CLDN14: variants seen among roughly 807,000 people sequenced by gnomAD.
CLDN14 encodes claudin 14.
CLDN14 carries 2 observed loss-of-function variants against 2.1 expected under a neutral mutation model. That is an observed-to-expected ratio of 0.96 (90% CI 0.39 to 3.01). The LOEUF is 3.01. Among genes scored for constraint, CLDN14 ranks in the 30% most tolerant of loss-of-function variants. CLDN14 has a pLI of 0.09. For synonymous variants in CLDN14, 136 were observed against 154.4 expected, an observed-to-expected ratio of 0.88 and a Z score of 0.88; for missense variants, 298 against 328.0, an observed-to-expected ratio of 0.91 and a Z score of 0.71.
intron 1 of CLDN14, among the ~76,000 whole-genome samples, chr21:36,526,705 A>G (rs901154484): frequency 9.2e-5 from 14 of 152,334 alleles, no homozygotes; most frequent in African/African-American, 3.4e-4. Context: ...AACCACGGGC[A>G]CTTCACACTC....
chr21:36,514,952 G>A (rs2087216055), intron 1 of CLDN14, among the ~76,000 whole-genome samples: 1 of 152,118 alleles, frequency 6.6e-6, no homozygotes. Flanking sequence ...AGAGCGACTT[G>A]AAAGTGTTTC....
intron 1 of CLDN14, among the ~76,000 whole-genome samples, chr21:36,566,682 G>C (rs915082853): frequency 1.3e-5 from 2 of 152,172 alleles, no homozygotes; most frequent in African/African-American, 4.8e-5. Flanking sequence ...GCACCAGCAG[G>C]CTGCCATGTG....
intron 1 of CLDN14, among the ~76,000 whole-genome samples, chr21:36,520,185 G>A (rs76433618): frequency 0.087 from 2,745 of 31,414 alleles, 42 homozygotes; most frequent in Non-Finnish European, 0.44. Flanking sequence ...TCACATGGCC[G>A]TCTTCCCTCT....
chr21:36,559,514 G>A (rs2146522808), intron 1 of CLDN14, among the ~76,000 whole-genome samples: 1 of 152,236 alleles, frequency 6.6e-6, no homozygotes, highest in East Asian at 1.9e-4. Flanking sequence ...TTTATCATGA[G>A]GGTTACAAAA....
At chr21:36,555,326 C>T (rs2087591280) in intron 1 of CLDN14, among the ~76,000 whole-genome samples, 1 of 152,140 alleles carries the variant, frequency 6.6e-6, no homozygotes, top group African/African-American at 2.4e-5. Context: ...GGTCTTGGGT[C>T]TGGGTGACCC....
rs562546305 is a variant in CLDN14, at chr21:36,551,101, C to T, written c.-220+25310G>A. 1.0e-3 allele frequency among the ~76,000 whole-genome samples: 159 copies of T among 152,328 alleles called. No homozygotes were observed. The highest frequency in any genetic ancestry group is 3.5e-3 in the African/African-American group (145 of 41,576). On this transcript the variant is annotated intron_variant, in intron 1 of 2. Coordinates refer to the CLDN14 transcript ENST00000342108. The surrounding 1 kb of genome is among the most constrained non-coding windows in gnomAD (Gnocchi z 4.8). ...CAGCCACCAGAGTGGGGAGGGGGCA[C>T]GGAACAGACTCCCCTTGGAGCCTCC...
intron 2 of CLDN14, among the ~76,000 whole-genome samples, chr21:36,491,632 G>T (rs1042935829): frequency 1.3e-5 from 2 of 152,190 alleles, no homozygotes. Flanking sequence ...ACAAGGAGGG[G>T]TATAAGCAAA....
At chr21:36,526,597 T>C (rs1475231158) in intron 1 of CLDN14, 8 of 152,242 alleles carry the variant, frequency 5.3e-5, no homozygotes. Context: ...GGGATGTTTG[T>C]GTTTTCAATG....
At chr21:36,513,819 C>T (rs532278909) in intron 1 of CLDN14, among the ~76,000 whole-genome samples, 2 of 152,132 alleles carry the variant, frequency 1.3e-5, no homozygotes, top group African/African-American at 4.8e-5. Flanking sequence ...ATAATTGATA[C>T]GAGTTCTTTC....
chr21:36,502,880 G>A (rs1031750056), intron 2 of CLDN14, among the ~76,000 whole-genome samples: 9 of 152,148 alleles, frequency 5.9e-5, no homozygotes, highest in African/African-American at 2.2e-4. Context: ...CTCAACCCAG[G>A]CTACACATTA....
chr21:36,524,167 G>A (rs1020849167), intron 1 of CLDN14, among the ~76,000 whole-genome samples: 1 of 151,890 alleles, frequency 6.6e-6, no homozygotes, highest in African/African-American at 2.4e-5. Flanking sequence ...CGCCCAGGCT[G>A]GAGTGCAGTG....
In CLDN14 at chr21:36,551,080, C is replaced by T. The variant is rs2087560625; in HGVS notation, c.-220+25331G>A. On this transcript the variant is annotated intron_variant, in intron 1 of 2. Transcript: ENST00000342108. This position sits in a 1 kb window ranked among gnomAD's most constrained non-coding sequence, Gnocchi z 4.8. ...AGGAATGGTGTGGCCAGCCGGCAGC[C>T]ACCAGAGTGGGGAGGGGGCACGGAA... Among the ~76,000 whole-genome samples, 1 of 152,208 alleles carries T rather than the reference C, an allele frequency of 6.6e-6. No individual in the cohort carries two copies.
In CLDN14 at chr21:36,498,814, C is replaced by A. The variant is rs1181283328; in HGVS notation, c.-82+11549G>T. On this transcript the variant is annotated intron_variant, in intron 2 of 2. Transcript: ENST00000342108. The surrounding 1 kb of genome is among the most constrained non-coding windows in gnomAD (Gnocchi z 4.9). ...CTGCGTCTGCCTGGACACCATCAGC[C>A]CTGCACGAAGGTGGCCGCTGAGGGG... 1.3e-5 allele frequency among the ~76,000 whole-genome samples: 2 copies of A among 152,128 alleles called. No individual in the cohort carries two copies. The highest frequency in any genetic ancestry group is 4.8e-5 in the African/African-American group (2 of 41,424).
At chr21:36,492,553 C>T (rs952077459) in intron 2 of CLDN14, among the ~76,000 whole-genome samples, 22 of 151,852 alleles carry the variant, frequency 1.4e-4, no homozygotes, top group Non-Finnish European at 2.9e-4. Flanking sequence ...CTCTTGAGCC[C>T]GGGAGGTGGA....
chr21:36,567,996 C>T (rs2087684883), intron 1 of CLDN14, among the ~76,000 whole-genome samples: 1 of 151,918 alleles, frequency 6.6e-6, no homozygotes, highest in Admixed American at 6.6e-5. Flanking sequence ...GGAAGACAGA[C>T]AAGAAAATCA....
At chr21:36,511,309 T>C (rs1360730269) in intron 1 of CLDN14, among the ~76,000 whole-genome samples, 1 of 152,206 alleles carries the variant, frequency 6.6e-6, no homozygotes, top group Non-Finnish European at 1.5e-5. Context: ...AAGCACAACG[T>C]TGCCATCTCA....
At position 36,461,122 on chromosome 21, in the gene CLDN14, T is replaced by A; in HGVS notation, c.574A>T (p.Arg192Trp). The change falls in exon 2 of 2, where the codon AGG (arginine) becomes TGG (tryptophan). Residue 192 changes from arginine to tryptophan, a missense_variant. Coordinates refer to ENST00000399135, the MANE Select transcript of CLDN14 (RefSeq NM_001146079.2). Reference sequence around the variant, plus strand: ...GCCCTGGGCGGGGCCTGGTAGGGCCTGTAGGGTGCCTCGTCCTGGCAGGAC... The same window carrying A: ...GCCCTGGGCGGGGCCTGGTAGGGCCAGTAGGGTGCCTCGTCCTGGCAGGAC... ...CLSCQDEAPY[R>W]PYQAPPRATT... The A allele has an allele frequency of 6.2e-7, 1 of 1,614,068 alleles. No individual in the cohort carries two copies. Among genetic ancestry groups the A allele is most frequent in the Admixed American group, 1.7e-5 (1 of 60,030 alleles).
chr21:36,497,732 C>G (rs890613327), intron 2 of CLDN14, among the ~76,000 whole-genome samples: 1 of 152,102 alleles, frequency 6.6e-6, no homozygotes, highest in Non-Finnish European at 1.5e-5. Context: ...CCCCCTTCTG[C>G]CCCCGCCCAG....
chr21:36,546,386 T>C (rs1210297143), intron 1 of CLDN14, among the ~76,000 whole-genome samples: 1 of 152,148 alleles, frequency 6.6e-6, no homozygotes, highest in Non-Finnish European at 1.5e-5. Flanking sequence ...GAAACAGCTG[T>C]GCTTGTTCTG....
Sources: allele counts gnomAD v4.1 joint callset (sites outside exome capture counted in the v4.1 genomes callset), GRCh38; gene constraint gnomAD v4.1.1; non-coding constraint Gnocchi (gnomAD v3.1); transcripts MANE v1.5; gene names NCBI Gene and HGNC (gene_info 2026-07-23, HGNC 2026-07-21).